The following AK9 variants were observed in gnomAD, a reference collection of about 807,000 sequenced individuals.
AK9 encodes adenylate kinase domain containing 1.
AK9 carries 191 observed loss-of-function variants against 239.6 expected under a neutral mutation model. That is an observed-to-expected ratio of 0.80 (90% CI 0.71 to 0.90). The LOEUF (loss-of-function observed/expected upper bound fraction) is 0.90, where lower values mean the gene tolerates loss of function less well. Ranked by LOEUF, AK9 falls within the 40% of genes least tolerant of loss-of-function variation. AK9 has a pLI of 0.00. For synonymous variants in AK9, 689 were observed against 721.0 expected, an observed-to-expected ratio of 0.96 and a Z score of 0.71; for missense variants, 1,995 against 2,214.7, an observed-to-expected ratio of 0.90 and a Z score of 1.99.
rs1415372178 is a variant in AK9 at position 109,493,455 on chromosome 6, T to G, written c.5650A>C (p.Lys1884Gln). 1 of 1,614,196 alleles carries G rather than the reference T, an allele frequency of 6.2e-7. No homozygotes were observed. The highest frequency in any genetic ancestry group is 8.5e-7 in the Non-Finnish European group (1 of 1,180,034). ...TCAATGGCTCTGAACTGAGGTTCCTTGTATTTTCTGGTCATCTTGGCACCC... is the reference window on the plus strand; with the variant it reads ...TCAATGGCTCTGAACTGAGGTTCCTGGTATTTTCTGGTCATCTTGGCACCC... ...YLGAKMTRKY[K>Q]EPQFRAIDFD... The change falls in exon 41 of 41, where the codon AAG becomes CAG. Residue 1884 changes from lysine (K) to glutamine (Q), a missense_variant. By Grantham distance (53) the Lys-to-Gln change is moderately conservative. Around this residue, in one of 5 missense-constraint regions of AK9, gnomAD observed 391 missense variants for 456.0 expected, o/e 0.86. Coordinates refer to ENST00000424296, the MANE Select transcript of AK9 (RefSeq NM_001145128.3).
chr6:109,598,181 G>C (rs1177106114), intron 17 of AK9, among the ~76,000 whole-genome samples: 1 of 151,718 alleles, frequency 6.6e-6, no homozygotes, highest in African/African-American at 2.4e-5. Flanking sequence ...CCATTAACTC[G>C]TCATTTACAT....
chr6:109,554,848 TG>T (rs764723802), intron 24 of AK9, among the ~76,000 whole-genome samples: 13 of 152,194 alleles, frequency 8.5e-5, no homozygotes, highest in Non-Finnish European at 1.8e-4. Flanking sequence ...TTTGTATTTC[TG>T]TGGGGTCAGT....
At chr6:109,605,059 TTA>T (rs1792655268) in intron 17 of AK9, among the ~76,000 whole-genome samples, 1 of 152,226 alleles carries the variant, frequency 6.6e-6, no homozygotes, top group Non-Finnish European at 1.5e-5. Flanking sequence ...GAAATAATGA[TTA>T]TGTTTCTCCT....
chr6:109,669,785 G>A (rs1026783714), intron 5 of AK9, among the ~76,000 whole-genome samples: 3 of 152,248 alleles, frequency 2.0e-5, no homozygotes, highest in African/African-American at 7.2e-5. Flanking sequence ...GTATTTAGCC[G>A]AGTGCTAGGT....
intron 29 of AK9, among the ~76,000 whole-genome samples, chr6:109,524,997 T>C (rs1055777158): frequency 5.3e-5 from 8 of 152,230 alleles, no homozygotes; most frequent in African/African-American, 1.9e-4. Context: ...GTTTTTATGG[T>C]TTCAGGTCTT....
intron 5 of AK9, among the ~76,000 whole-genome samples, chr6:109,665,060 A>C (rs867546678): frequency 1.2e-4 from 18 of 151,632 alleles, no homozygotes; most frequent in Non-Finnish European, 2.2e-4. Context: ...AAGAAGAAGA[A>C]GACCAAGAAC....
chr6:109,622,244 T>C (rs1035094623), intron 12 of AK9, among the ~76,000 whole-genome samples: 4 of 144,886 alleles, frequency 2.8e-5, no homozygotes, highest in Non-Finnish European at 4.5e-5. Flanking sequence ...TATTATATTA[T>C]ATATTATGTA....
Position 109,656,770 on chromosome 6 carries a change from G to T in AK9, c.745C>A (p.Leu249Ile). ...TTTGTTCTTACTTCTAAAGTTTGGA[G>T]AATTGTTTCCTTATAAAGCTTAACA... is the stretch of plus-strand genomic sequence containing the variant. ...NIVKLYKETI[L>I]QTLEEVMAEH... is the part of the protein sequence containing the mutation. Residue 249 changes from leucine to isoleucine, a missense_variant, in exon 8 of 41, where the codon CTC (leucine) becomes ATC (isoleucine). Leu to Ile is a conservative substitution (Grantham distance 5). This residue lies in a region of AK9 where 1,290 missense variants were observed against 1,392.7 expected (regional missense o/e 0.93). Coordinates refer to ENST00000424296, the MANE Select transcript of AK9 (RefSeq NM_001145128.3). 1 of 1,593,114 alleles carries T rather than the reference G, an allele frequency of 6.3e-7. No homozygotes were observed. Among genetic ancestry groups the T allele is most frequent in the Non-Finnish European group, 8.6e-7 (1 of 1,164,572 alleles).
Position 109,494,105 on chromosome 6 carries a change from G to A in AK9, c.5419-10C>T. ...GAGAAGTTGCAATACCCTGCAGGGA[G>A]GGAACAATTCAAATTCTGTGTATAC... On this transcript the variant is annotated splice_polypyrimidine_tract_variant and intron_variant, in intron 39 of 40. Transcript: ENST00000424296. 1 of 1,591,192 alleles carries A rather than the reference G, an allele frequency of 6.3e-7. No individual in the cohort carries two copies. The highest frequency in any genetic ancestry group is 8.6e-7 in the Non-Finnish European group (1 of 1,160,882).
rs192661665 is a variant in AK9 at position 109,568,109 on chromosome 6, C to T, written c.2345-3264G>A. Among the ~76,000 whole-genome samples, 803 of 152,234 alleles carry T rather than the reference C, an allele frequency of 5.3e-3. 9 individuals carry two copies. Among genetic ancestry groups the T allele is most frequent in the African/African-American group, 0.019 (776 of 41,532 alleles). ...TCAAGTTGGCTTCATCCCTGGGATG[C>T]AAGGCTGGTTCAACATACACAAATC... On this transcript the variant is annotated intron_variant, in intron 21 of 40. Transcript: ENST00000424296.
At chr6:109,611,023 A>G (rs1793518937) in intron 16 of AK9, among the ~76,000 whole-genome samples, 1 of 152,116 alleles carries the variant, frequency 6.6e-6, no homozygotes, top group Admixed American at 6.6e-5. Context: ...GTGTCCTTGC[A>G]TGGCTGAGTT....
intron 27 of AK9, among the ~76,000 whole-genome samples, chr6:109,540,575 C>CT (rs1206063220): frequency 6.6e-6 from 1 of 152,204 alleles, no homozygotes; most frequent in Non-Finnish European, 1.5e-5. Flanking sequence ...ACTTGCCCTG[C>CT]TTTGGCTCAC....
At chr6:109,510,933 A>T (rs1778670483) in intron 32 of AK9, among the ~76,000 whole-genome samples, 1 of 152,186 alleles carries the variant, frequency 6.6e-6, no homozygotes, top group African/African-American at 2.4e-5. Context: ...TAATTTTCAC[A>T]TTTCTCAATG....
intron 29 of AK9, chr6:109,528,346 C>A (rs1023073402): frequency 2.0e-5 from 7 of 358,658 alleles, no homozygotes; most frequent in African/African-American, 1.3e-4. Flanking sequence ...AATGAGGCTA[C>A]GATTTCTGTA....
chr6:109,604,563 G>A (rs540921286), intron 17 of AK9, among the ~76,000 whole-genome samples: 2 of 152,098 alleles, frequency 1.3e-5, no homozygotes, highest in Admixed American at 1.3e-4. Flanking sequence ...TACCCTCTTT[G>A]TAGTTCTGTT....
intron 12 of AK9, among the ~76,000 whole-genome samples, chr6:109,624,100 T>C (rs1212439997): frequency 6.6e-6 from 1 of 151,992 alleles, no homozygotes; most frequent in Non-Finnish European, 1.5e-5. Context: ...CAATAATGAA[T>C]TCCCAAACTC....
intron 17 of AK9, among the ~76,000 whole-genome samples, chr6:109,598,001 TTAA>T (rs1420388286): frequency 2.0e-5 from 3 of 152,274 alleles, no homozygotes; most frequent in Non-Finnish European, 4.4e-5. Flanking sequence ...TTCTAAGAAA[TTAA>T]TGTTATATTT....
At chr6:109,542,766 T>C (rs983752891) in intron 26 of AK9, among the ~76,000 whole-genome samples, 1 of 152,202 alleles carries the variant, frequency 6.6e-6, no homozygotes, top group Non-Finnish European at 1.5e-5. Flanking sequence ...TGGTTAGAAA[T>C]ACAGGTTGTA....
chr6:109,647,146 A>C (rs574335117), intron 8 of AK9, among the ~76,000 whole-genome samples: 1 of 152,370 alleles, frequency 6.6e-6, no homozygotes, highest in East Asian at 1.9e-4. Flanking sequence ...GCCAAGTTGT[A>C]AAGAGCATCA....
Sources: allele counts gnomAD v4.1 joint callset (sites outside exome capture counted in the v4.1 genomes callset), GRCh38; gene constraint gnomAD v4.1.1; regional missense constraint gnomAD v4.1.1; transcripts MANE v1.5; gene names NCBI Gene and HGNC (gene_info 2026-07-23, HGNC 2026-07-21).